Variants in CNTLN observed in about 807,000 individuals in gnomAD.
CNTLN encodes centlein, centrosomal protein.
In CNTLN, 212 loss-of-function variants were observed where a neutral mutation model predicts 180.0. That is an observed-to-expected ratio of 1.18 (90% CI 1.05 to 1.32). CNTLN has a LOEUF of 1.32. Ranked by LOEUF, CNTLN falls within the 40% of genes most tolerant of loss-of-function variation. The pLI is 0.00. For missense variants in CNTLN, 2,095 were observed against 1,610.9 expected (o/e 1.30, Z -5.14); for synonymous variants, 722 against 563.1 (o/e 1.28, Z -3.99).
intron 10 of CNTLN, among the ~76,000 whole-genome samples, chr9:17,334,161 G>C (rs1303614655): frequency 6.6e-6 from 1 of 152,096 alleles, no homozygotes; most frequent in Admixed American, 6.6e-5. Context: ...CCAGGTTCGA[G>C]CTATTCTTCT....
chr9:17,379,711 A>G (rs1451153554), intron 13 of CNTLN, among the ~76,000 whole-genome samples: 2 of 152,168 alleles, frequency 1.3e-5, no homozygotes, highest in Non-Finnish European at 2.9e-5. Context: ...TTTTCTCTAG[A>G]TTAAATCCCA....
intron 23 of CNTLN, among the ~76,000 whole-genome samples, chr9:17,467,650 T>C (rs538472265): frequency 2.6e-5 from 4 of 151,776 alleles, no homozygotes; most frequent in Non-Finnish European, 5.9e-5. Flanking sequence ...TCCTAAATGA[T>C]TGCAAAGTAT....
At position 17,199,759 on chromosome 9, in the gene CNTLN, A is replaced by G. The variant is rs181220157; in HGVS notation, c.450-26444A>G. 2.0e-3 allele frequency among the ~76,000 whole-genome samples: 312 copies of G among 152,196 alleles called. 1 individual carries two copies. The highest frequency in any genetic ancestry group is 7.0e-3 in the African/African-American group (292 of 41,536). On this transcript the variant is annotated intron_variant, in intron 2 of 25. Coordinates refer to ENST00000380647, the MANE Select transcript of CNTLN (RefSeq NM_017738.4). ...TATTAGACTTTTGTCAGATGACTAG[A>G]TTGCAAAAATTTTCTCCCATTTTGT... is the stretch of plus-strand genomic sequence containing the variant.
At chr9:17,362,200 A>G (rs1823453863) in intron 12 of CNTLN, among the ~76,000 whole-genome samples, 2 of 152,222 alleles carry the variant, frequency 1.3e-5, no homozygotes, top group Non-Finnish European at 2.9e-5. Flanking sequence ...CTGTTGGGTT[A>G]GTGATCTGAG....
intron 7 of CNTLN, chr9:17,301,347 G>A: frequency 4.1e-6 from 4 of 985,292 alleles, no homozygotes; most frequent in Non-Finnish European, 4.8e-6. Flanking sequence ...AATCATTATA[G>A]AAAATGAGAG....
chr9:17,441,328 CATAGAA>C (rs1332556553), intron 18 of CNTLN, among the ~76,000 whole-genome samples: 1 of 151,832 alleles, frequency 6.6e-6, no homozygotes, highest in African/African-American at 2.4e-5. Context: ...TTTATTCTGG[CATAGAA>C]ATTACAATAA....
At chr9:17,267,415 G>T (rs34768018) in intron 5 of CNTLN, among the ~76,000 whole-genome samples, 33,877 of 152,112 alleles carry the variant, frequency 0.22, 4,097 homozygotes, top group South Asian at 0.36. Flanking sequence ...TCCGCTGTTC[G>T]TCTGATGGGC....
intron 14 of CNTLN, among the ~76,000 whole-genome samples, chr9:17,391,239 T>C (rs1158790456): frequency 6.6e-6 from 1 of 152,124 alleles, no homozygotes; most frequent in Non-Finnish European, 1.5e-5. Flanking sequence ...GTAGACTTCC[T>C]TCCTCCCTGG....
intron 12 of CNTLN, among the ~76,000 whole-genome samples, chr9:17,364,792 T>C (rs1823674332): frequency 6.6e-6 from 1 of 152,176 alleles, no homozygotes. Flanking sequence ...AACCCTCCAG[T>C]ATACTCTGGC....
chr9:17,194,159 CCT>C (rs145179467), intron 2 of CNTLN, among the ~76,000 whole-genome samples: 3,692 of 152,238 alleles, frequency 0.024, 137 homozygotes, highest in African/African-American at 0.085. Flanking sequence ...GCTGTGAAAA[CCT>C]CTGACATGCC....
intron 5 of CNTLN, among the ~76,000 whole-genome samples, chr9:17,272,338 G>C (rs9407794): frequency 0.18 from 26,710 of 151,956 alleles, 2,652 homozygotes; most frequent in South Asian, 0.28. Flanking sequence ...GCCTCCTAAA[G>C]TGCTGGGATT....
intron 16 of CNTLN, 123 bp from the exon 17 acceptor site, chr9:17,415,665 C>T: frequency 1.4e-6 from 1 of 700,520 alleles, no homozygotes; most frequent in Non-Finnish European, 2.4e-6. Context: ...TGGTCTCCCA[C>T]AGACTTAAAA....
At chr9:17,353,912 C>T (rs1412635213) in intron 12 of CNTLN, among the ~76,000 whole-genome samples, 1 of 152,192 alleles carries the variant, frequency 6.6e-6, no homozygotes, top group East Asian at 1.9e-4. Flanking sequence ...AGCCCACTCC[C>T]TCAGCTTACA....
chr9:17,404,570 A>G (rs1827231066), intron 15 of CNTLN, among the ~76,000 whole-genome samples: 1 of 151,666 alleles, frequency 6.6e-6, no homozygotes, highest in African/African-American at 2.4e-5. Flanking sequence ...TATTGAGGTA[A>G]AATTAGGAGG....
At chr9:17,294,304 T>G (rs1462117371) in intron 6 of CNTLN, among the ~76,000 whole-genome samples, 1 of 152,040 alleles carries the variant, frequency 6.6e-6, no homozygotes, top group African/African-American at 2.4e-5. Context: ...CCCACCCACA[T>G]CCTGCTGATT....
At chr9:17,405,890 G>C (rs1827349232) in intron 15 of CNTLN, among the ~76,000 whole-genome samples, 1 of 151,700 alleles carries the variant, frequency 6.6e-6, no homozygotes, top group South Asian at 2.1e-4. Context: ...CTGGGTTCAA[G>C]CGATTCTCCA....
chr9:17,385,067 T>G (rs938092351), intron 13 of CNTLN, among the ~76,000 whole-genome samples: 1 of 152,190 alleles, frequency 6.6e-6, no homozygotes, highest in Admixed American at 6.5e-5. Context: ...TTTGCTAGAA[T>G]GGCTCAAAAA....
intron 2 of CNTLN, among the ~76,000 whole-genome samples, chr9:17,205,939 G>T (rs1822889338): frequency 6.6e-6 from 1 of 152,144 alleles, no homozygotes; most frequent in Non-Finnish European, 1.5e-5. Flanking sequence ...TTCAAGCCTT[G>T]CAATGAGAGG....
At chr9:17,424,691 G>A (rs997849135) in intron 18 of CNTLN, among the ~76,000 whole-genome samples, 3 of 152,144 alleles carry the variant, frequency 2.0e-5, no homozygotes, top group African/African-American at 7.2e-5. Context: ...ATGTTGATTA[G>A]AGGTAGGGTA....
Sources: gnomAD v4.1 joint callset for allele counts (sites outside exome capture counted in the v4.1 genomes callset) on GRCh38, gnomAD v4.1.1 for gene constraint, MANE v1.5 for transcripts, NCBI Gene and HGNC (gene_info 2026-07-23, HGNC 2026-07-21) for gene names.